BBS9: variants seen among roughly 807,000 people sequenced by gnomAD.
BBS9 encodes the protein protein PTHB1.
Under a neutral mutation model 117.7 loss-of-function variants are expected in BBS9, and 89 were observed. That is an observed-to-expected ratio of 0.76 (90% confidence interval 0.64 to 0.90). The LOEUF (loss-of-function observed/expected upper bound fraction) is 0.90. Among genes scored for constraint, BBS9 ranks in the 40% least tolerant of loss-of-function variants. BBS9 has a pLI of 0.00. For missense variants in BBS9, 982 were observed against 1,042.2 expected (o/e 0.94, Z 0.80); for synonymous variants, 379 against 370.9 (o/e 1.02, Z -0.25).
intron 4 of BBS9, among the ~76,000 whole-genome samples, chr7:33,162,651 A>G (rs1022881967): frequency 6.6e-6 from 1 of 152,068 alleles, no homozygotes; most frequent in Non-Finnish European, 1.5e-5. Flanking sequence ...GATGTATAGG[A>G]GTGCTTGTGA....
At chr7:33,362,062 A>G (rs1820720882) in intron 16 of BBS9, among the ~76,000 whole-genome samples, 1 of 152,144 alleles carries the variant, frequency 6.6e-6, no homozygotes, top group Admixed American at 6.5e-5. Context: ...CTGCATCCCA[A>G]GCAACCACTG....
chr7:33,180,140 C>A (rs184969177), intron 5 of BBS9, among the ~76,000 whole-genome samples: 57 of 152,274 alleles, frequency 3.7e-4, no homozygotes, highest in African/African-American at 1.2e-3. Flanking sequence ...AAACTGCTCA[C>A]CCCGCCACTC....
intron 21 of BBS9, among the ~76,000 whole-genome samples, chr7:33,579,566 G>A (rs980371426): frequency 2.0e-5 from 3 of 152,074 alleles, no homozygotes; most frequent in African/African-American, 7.2e-5. Context: ...TTTCAACAGT[G>A]GCTAGGATAT....
intron 19 of BBS9, among the ~76,000 whole-genome samples, chr7:33,405,100 A>G (rs1433031074): frequency 1.3e-5 from 2 of 152,236 alleles, no homozygotes; most frequent in African/African-American, 4.8e-5. Flanking sequence ...CTATTGAGAT[A>G]ATCATGTGTT....
At chr7:33,491,194 A>G (rs771419418) in intron 19 of BBS9, among the ~76,000 whole-genome samples, 4 of 152,224 alleles carry the variant, frequency 2.6e-5, no homozygotes, top group Non-Finnish European at 1.5e-5. Flanking sequence ...ACTGGGAGGT[A>G]TAACTCCAAA....
chr7:33,348,957 TCCTCAGGTAA>T, intron 12 of BBS9, 101 bp from the exon 13 acceptor site: 3 of 749,918 alleles, frequency 4.0e-6, no homozygotes, highest in South Asian at 1.5e-5. Context: ...ACTCATTTTT[TCCTCAGGTAA>T]TATTTTCTAA....
At chr7:33,521,642 A>AC (rs1554518571) in intron 20 of BBS9, among the ~76,000 whole-genome samples, 4 of 152,208 alleles carry the variant, frequency 2.6e-5, no homozygotes, top group Non-Finnish European at 2.9e-5. Context: ...TTATAAAAAC[A>AC]TGAATATGAT....
chr7:33,610,762 G>A (rs370926097), downstream of BBS9, among the ~76,000 whole-genome samples: 6 of 152,124 alleles, frequency 3.9e-5, no homozygotes, highest in South Asian at 4.1e-4. Flanking sequence ...TGTGAGCCTC[G>A]ACCTAGCTTT....
At chr7:33,457,720 T>C (rs1194600333) in intron 19 of BBS9, among the ~76,000 whole-genome samples, 2 of 152,188 alleles carry the variant, frequency 1.3e-5, no homozygotes, top group Non-Finnish European at 2.9e-5. Flanking sequence ...GGAAGCATGA[T>C]ATATTTATCT....
intron 9 of BBS9, 68 bp downstream of exon 9, chr7:33,274,024 G>A: frequency 2.6e-6 from 4 of 1,530,668 alleles, no homozygotes; most frequent in East Asian, 4.5e-5. Flanking sequence ...GAAGTTCTAT[G>A]AAATAATGAC....
At chr7:33,483,201 A>G (rs553521292) in intron 19 of BBS9, among the ~76,000 whole-genome samples, 119 of 152,178 alleles carry the variant, frequency 7.8e-4, no homozygotes, top group African/African-American at 2.8e-3. Flanking sequence ...AAATCCTTGT[A>G]CTCTGTAAAG....
rs191893907 is a variant in BBS9, at chr7:33,251,949, T to G, written c.443-5287T>G. On this transcript the variant is annotated intron_variant, in intron 5 of 22. Coordinates refer to ENST00000242067, the MANE Select transcript of BBS9 (RefSeq NM_198428.3). The stretch of plus-strand genomic sequence containing the variant: ...ATATTAGGCTGTTCTCGCATTGCTA[T>G]AAAGAAATACCCATGACTGGTAATT... 9.5e-4 allele frequency among the ~76,000 whole-genome samples: 145 copies of G among 152,300 alleles called. No homozygotes were observed. The Middle Eastern group carries it at 0.01, about 11-fold the overall frequency.
chr7:33,389,581 C>T (rs1315572207), intron 19 of BBS9, among the ~76,000 whole-genome samples: 4 of 149,710 alleles, frequency 2.7e-5, no homozygotes, highest in Non-Finnish European at 3.0e-5. Flanking sequence ...CCCAGCTACT[C>T]GGGAGGCTGA....
intron 16 of BBS9, among the ~76,000 whole-genome samples, chr7:33,364,854 A>G (rs191335248): frequency 6.7e-6 from 1 of 150,328 alleles, no homozygotes; most frequent in Non-Finnish European, 1.5e-5. Flanking sequence ...TCAGCCTCCC[A>G]AGTAGCTGGG....
chr7:33,334,308 T>C (rs1391085143), intron 9 of BBS9, among the ~76,000 whole-genome samples: 1 of 152,188 alleles, frequency 6.6e-6, no homozygotes, highest in Admixed American at 6.5e-5. Flanking sequence ...AGCTTTTCTG[T>C]ATGATGGACT....
intron 21 of BBS9, among the ~76,000 whole-genome samples, chr7:33,538,256 G>GAT (rs1369094049): frequency 2.0e-5 from 3 of 152,138 alleles, no homozygotes; most frequent in African/African-American, 7.2e-5. Context: ...TGATAAATAA[G>GAT]ATTAGGTATC....
At chr7:33,418,882 A>G (rs968571727) in intron 19 of BBS9, among the ~76,000 whole-genome samples, 1 of 152,246 alleles carries the variant, frequency 6.6e-6, no homozygotes, top group Non-Finnish European at 1.5e-5. Context: ...AGAGTCTTTC[A>G]TGTCACAATG....
chr7:33,443,078 A>C (rs955148853), intron 19 of BBS9, among the ~76,000 whole-genome samples: 1 of 152,154 alleles, frequency 6.6e-6, no homozygotes, highest in African/African-American at 2.4e-5. Flanking sequence ...TAGATCATGT[A>C]CTCATTTCTG....
chr7:33,529,326 G>A (rs924419737), intron 20 of BBS9, among the ~76,000 whole-genome samples: 4 of 152,148 alleles, frequency 2.6e-5, no homozygotes, highest in Admixed American at 1.3e-4. Context: ...CCCTGAGTCC[G>A]GTTCCTTGGA....
Sources: allele counts gnomAD v4.1 joint callset (sites outside exome capture counted in the v4.1 genomes callset), GRCh38; gene constraint gnomAD v4.1.1; transcripts MANE v1.5; gene names NCBI Gene and HGNC (gene_info 2026-07-23, HGNC 2026-07-21).